SLC35F1: variants seen among roughly 807,000 people sequenced by gnomAD.
SLC35F1 encodes solute carrier family 35 member F1, also known as chromosome 6 open reading frame 169.
A neutral mutation model predicts 48.7 loss-of-function variants in SLC35F1; 14 were observed. The observed-to-expected ratio is 0.29, with a 90% CI of 0.19 to 0.45. The LOEUF (loss-of-function observed/expected upper bound fraction) is 0.45, where lower values mean the gene tolerates loss of function less well. Ranked by LOEUF, SLC35F1 falls within the 20% of genes least tolerant of loss-of-function variation. The pLI, the probability that SLC35F1 is intolerant of heterozygous loss-of-function variation, is 1.00. For missense variants in SLC35F1, 404 were observed against 500.0 expected (o/e 0.81, Z 1.83); for synonymous variants, 190 against 202.2 (o/e 0.94, Z 0.51).
intron 1 of SLC35F1, among the ~76,000 whole-genome samples, chr6:118,040,382 C>G (rs1355198511): frequency 6.6e-6 from 1 of 152,086 alleles, no homozygotes; most frequent in Non-Finnish European, 1.5e-5. Context: ...TGTTGCTTTT[C>G]TAGAATTTGT....
At chr6:118,063,711 A>G (rs56155833) in intron 1 of SLC35F1, among the ~76,000 whole-genome samples, 46,288 of 151,922 alleles carry the variant, frequency 0.3, 7,554 homozygotes, top group East Asian at 0.48. Flanking sequence ...ATCTTTTTAG[A>G]TTTCATCCAG....
chr6:118,000,395 A>T (rs990269348), intron 1 of SLC35F1, among the ~76,000 whole-genome samples: 7 of 152,198 alleles, frequency 4.6e-5, no homozygotes, highest in African/African-American at 1.7e-4. Context: ...ACAAAATTCA[A>T]CAACGCTTCA....
rs928146185 is a variant in SLC35F1 at position 118,317,607 on chromosome 6, A to T, written c.*3355A>T. The T allele has an allele frequency of 7.9e-5, 12 of 152,322 alleles. No homozygotes were observed. The highest frequency in any genetic ancestry group is 2.9e-4 in the African/African-American group (12 of 41,574). The allele number at this position is 152,322 out of a possible 1,614,324, so 9.4% of individuals were successfully genotyped here. ...TTGATATTTGCATGCTCCCCTATGG[A>T]CTGGCTGTGGCAATGTAATGCCTGT... On this transcript the variant is annotated 3_prime_UTR_variant, in exon 8 of 8. Transcript: ENST00000360388.
chr6:118,308,166 T>C (rs1390959364), intron 7 of SLC35F1, among the ~76,000 whole-genome samples: 1 of 152,260 alleles, frequency 6.6e-6, no homozygotes, highest in East Asian at 1.9e-4. Flanking sequence ...TTAAAACTAC[T>C]CTGGTACCCA....
chr6:118,155,225 G>T (rs1045616817), intron 2 of SLC35F1, among the ~76,000 whole-genome samples: 2 of 152,160 alleles, frequency 1.3e-5, no homozygotes, highest in Non-Finnish European at 2.9e-5. Context: ...AAAACCTCAG[G>T]GTGCATCCCT....
chr6:118,067,574 CAG>C (rs1245235177), intron 1 of SLC35F1, among the ~76,000 whole-genome samples: 2 of 152,032 alleles, frequency 1.3e-5, no homozygotes, highest in Non-Finnish European at 1.5e-5. Context: ...AGCCAGGAGA[CAG>C]AGAATTTCAA....
intron 2 of SLC35F1, among the ~76,000 whole-genome samples, chr6:118,164,925 T>A (rs1774295829): frequency 6.6e-6 from 1 of 152,190 alleles, no homozygotes; most frequent in South Asian, 2.1e-4. Flanking sequence ...ATAATTATTA[T>A]ACTAGCCCAT....
intron 1 of SLC35F1, among the ~76,000 whole-genome samples, chr6:117,926,691 C>T (rs2114808532): frequency 6.6e-6 from 1 of 152,210 alleles, no homozygotes; most frequent in South Asian, 2.1e-4. Context: ...GAAGAGATGT[C>T]AGAGGCTGGA....
At chr6:118,027,152 C>T (rs1189598526) in intron 1 of SLC35F1, among the ~76,000 whole-genome samples, 2 of 152,092 alleles carry the variant, frequency 1.3e-5, no homozygotes. Flanking sequence ...TTATTTTTAT[C>T]ACTGAAATAT....
chr6:118,256,680 T>C (rs1459518425), intron 3 of SLC35F1, among the ~76,000 whole-genome samples: 2 of 152,212 alleles, frequency 1.3e-5, no homozygotes, highest in African/African-American at 4.8e-5. Context: ...GACCTGACTC[T>C]TGTAGATTTT....
intron 7 of SLC35F1, among the ~76,000 whole-genome samples, chr6:118,291,778 G>A (rs144515691): frequency 3.1e-4 from 47 of 152,250 alleles, no homozygotes; most frequent in Admixed American, 2.9e-3. Flanking sequence ...ATGAAATGTT[G>A]TGTGGAAAAG....
chr6:118,122,217 AT>A (rs920888727), intron 1 of SLC35F1, among the ~76,000 whole-genome samples: 21 of 149,918 alleles, frequency 1.4e-4, no homozygotes, highest in African/African-American at 4.9e-4. Context: ...CAATTCCTTC[AT>A]TTTTTTCTCC....
chr6:118,155,610 A>G (rs1276399991), intron 2 of SLC35F1, among the ~76,000 whole-genome samples: 2 of 152,176 alleles, frequency 1.3e-5, no homozygotes, highest in African/African-American at 2.4e-5. Context: ...TTCTTTATAA[A>G]TTGTGCAGTC....
intron 1 of SLC35F1, among the ~76,000 whole-genome samples, chr6:118,038,839 C>G (rs1772170391): frequency 6.6e-6 from 1 of 152,086 alleles, no homozygotes; most frequent in African/African-American, 2.4e-5. Context: ...CCAGGCCGGT[C>G]TTCAACTCCT....
intron 2 of SLC35F1, among the ~76,000 whole-genome samples, chr6:118,160,296 T>C (rs1774211024): frequency 6.6e-6 from 1 of 152,258 alleles, no homozygotes; most frequent in Admixed American, 6.5e-5. Context: ...TGAAAAGTGT[T>C]CTTACGAGCT....
intron 1 of SLC35F1, among the ~76,000 whole-genome samples, chr6:118,081,840 C>A (rs1231580042): frequency 1.3e-5 from 2 of 152,182 alleles, no homozygotes; most frequent in African/African-American, 4.8e-5. Flanking sequence ...TGTGAGTCTG[C>A]AGAATGGCTG....
At chr6:118,007,277 C>T (rs371599642) in intron 1 of SLC35F1, among the ~76,000 whole-genome samples, 45 of 152,224 alleles carry the variant, frequency 3.0e-4, no homozygotes, top group Non-Finnish European at 5.1e-4. Flanking sequence ...CCTCTTAATC[C>T]GCTATTCATG....
chr6:118,121,431 C>T (rs1033464961), intron 1 of SLC35F1, among the ~76,000 whole-genome samples: 1 of 152,078 alleles, frequency 6.6e-6, no homozygotes, highest in Non-Finnish European at 1.5e-5. Flanking sequence ...AAATTGAAGT[C>T]CATGGAGATT....
intron 1 of SLC35F1, among the ~76,000 whole-genome samples, chr6:118,062,997 G>C (rs1772563079): frequency 1.3e-5 from 2 of 152,050 alleles, no homozygotes; most frequent in Non-Finnish European, 2.9e-5. Flanking sequence ...TGTTATATCA[G>C]ATAATTTTGC....
Sources: allele counts gnomAD v4.1 joint callset (sites outside exome capture counted in the v4.1 genomes callset), GRCh38; gene constraint gnomAD v4.1.1; transcripts MANE v1.5; gene names NCBI Gene and HGNC (gene_info 2026-07-23, HGNC 2026-07-21).